Variants in LRP12 observed in about 807,000 individuals in gnomAD.
The protein encoded by LRP12 is LDL receptor related protein 12.
In LRP12, 14 loss-of-function variants were observed where a neutral mutation model predicts 66.0. That is an observed-to-expected ratio of 0.21 (90% CI 0.14 to 0.33). LRP12 has a LOEUF of 0.33. Among genes scored for constraint, LRP12 ranks in the 10% least tolerant of loss-of-function variants. The pLI is 1.00. For missense variants in LRP12, 889 were observed against 1,053.4 expected (o/e 0.84, Z 2.16); for synonymous variants, 357 against 359.1 (o/e 0.99, Z 0.07).
At chr8:104,588,507 G>A (rs1006798186) in intron 1 of LRP12, among the ~76,000 whole-genome samples, 48 of 152,306 alleles carry the variant, frequency 3.2e-4, no homozygotes, top group African/African-American at 1.1e-3. Flanking sequence ...GGGTCCTGGA[G>A]CAACTGGCCG....
At chr8:104,542,682 T>C (rs1811496347) in intron 1 of LRP12, among the ~76,000 whole-genome samples, 1 of 152,160 alleles carries the variant, frequency 6.6e-6, no homozygotes, top group South Asian at 2.1e-4. Context: ...TATTGCTGAC[T>C]GGAGGCCTTA....
intron 2 of LRP12, among the ~76,000 whole-genome samples, chr8:104,529,814 C>A (rs1435532643): frequency 6.6e-6 from 1 of 152,204 alleles, no homozygotes; most frequent in African/African-American, 2.4e-5. Flanking sequence ...TTGCAACTAA[C>A]CTTAAAGAAA....
chr8:104,556,804 G>A (rs1297572550), intron 1 of LRP12, among the ~76,000 whole-genome samples: 1 of 151,868 alleles, frequency 6.6e-6, no homozygotes, highest in Non-Finnish European at 1.5e-5. Flanking sequence ...ACCAGGGAAG[G>A]ACATAACAAA....
intron 6 of LRP12, among the ~76,000 whole-genome samples, chr8:104,492,266 T>C (rs1189577467): frequency 6.6e-6 from 1 of 152,222 alleles, no homozygotes; most frequent in Admixed American, 6.5e-5. Flanking sequence ...AAATATATCA[T>C]TCTTTGAAAA....
intron 1 of LRP12, among the ~76,000 whole-genome samples, chr8:104,539,306 A>G (rs915510291): frequency 1.3e-5 from 2 of 152,232 alleles, no homozygotes; most frequent in African/African-American, 4.8e-5. Context: ...ACTCTAAAAT[A>G]TTAGTGGATG....
chr8:104,564,629 TG>T (rs912576047), intron 1 of LRP12, among the ~76,000 whole-genome samples: 1 of 150,984 alleles, frequency 6.6e-6, no homozygotes, highest in African/African-American at 2.4e-5. Context: ...ACTATCATTA[TG>T]AAAAAAAAAA....
At chr8:104,524,241 C>CAAAAAAA (rs57379814) in intron 2 of LRP12, among the ~76,000 whole-genome samples, 1 of 96,778 alleles carries the variant, frequency 1.0e-5, no homozygotes, top group African/African-American at 3.9e-5. Flanking sequence ...GACCCTGTCT[C>CAAAAAAA]AAAAAAAAAA....
At chr8:104,496,078 C>A (rs1315173425) in intron 5 of LRP12, 2 of 152,204 alleles carry the variant, frequency 1.3e-5, no homozygotes, top group African/African-American at 4.8e-5. Flanking sequence ...AGGTCATTGT[C>A]TCCACAGGGA....
intron 1 of LRP12, among the ~76,000 whole-genome samples, chr8:104,582,803 G>C (rs1404375485): frequency 6.6e-6 from 1 of 152,040 alleles, no homozygotes; most frequent in African/African-American, 2.4e-5. Context: ...AACTTGCTAA[G>C]CGTCCAAACC....
intron 2 of LRP12, among the ~76,000 whole-genome samples, chr8:104,510,278 A>ATGCTT (rs1810972028): frequency 1.3e-5 from 2 of 152,320 alleles, no homozygotes; most frequent in South Asian, 4.1e-4. Context: ...AATCACTGCA[A>ATGCTT]AGCAGTTCTT....
At chr8:104,588,497 G>C (rs1290143160) in intron 1 of LRP12, among the ~76,000 whole-genome samples, 1 of 152,166 alleles carries the variant, frequency 6.6e-6, no homozygotes, top group East Asian at 1.9e-4. Flanking sequence ...GCCAGGCTAC[G>C]GGTCCTGGAG....
intron 1 of LRP12, among the ~76,000 whole-genome samples, chr8:104,564,988 C>T (rs1052006898): frequency 6.6e-6 from 1 of 150,716 alleles, no homozygotes; most frequent in Non-Finnish European, 1.5e-5. Context: ...ATTTAGAAGA[C>T]TAAACTGAAG....
chr8:104,588,652 G>A (rs928736093), intron 1 of LRP12, among the ~76,000 whole-genome samples, 167 bp downstream of exon 1: 2 of 152,060 alleles, frequency 1.3e-5, no homozygotes, highest in Non-Finnish European at 2.9e-5. Context: ...AAGCATCTCC[G>A]TGTGGGGACA....
intron 1 of LRP12, among the ~76,000 whole-genome samples, chr8:104,569,192 CATTT>C (rs139234107): frequency 0.022 from 3,336 of 152,178 alleles, 104 homozygotes; most frequent in African/African-American, 0.074. Flanking sequence ...TGTATGATTT[CATTT>C]ATATGAATGC....
chr8:104,498,837 G>A (rs1455137861), intron 4 of LRP12, among the ~76,000 whole-genome samples: 6 of 152,204 alleles, frequency 3.9e-5, no homozygotes, highest in East Asian at 1.9e-4. Context: ...TAAAAGAGAG[G>A]ACTAATTCTG....
At chr8:104,568,080 T>C (rs941290546) in intron 1 of LRP12, among the ~76,000 whole-genome samples, 4 of 152,092 alleles carry the variant, frequency 2.6e-5, no homozygotes, top group Non-Finnish European at 4.4e-5. Flanking sequence ...GGATAGACAA[T>C]ATAGGTCATA....
chr8:104,564,183 C>A (rs949625189), intron 1 of LRP12, among the ~76,000 whole-genome samples: 27 of 152,168 alleles, frequency 1.8e-4, no homozygotes, highest in Non-Finnish European at 3.8e-4. Flanking sequence ...AAAGGTAACA[C>A]AACAGGAAAA....
intron 1 of LRP12, among the ~76,000 whole-genome samples, chr8:104,576,839 A>T (rs1421360550): frequency 6.6e-6 from 1 of 152,218 alleles, no homozygotes; most frequent in East Asian, 1.9e-4. Context: ...ACCAAGATGC[A>T]TAGGTATGGT....
At chr8:104,534,867 AAAGCAAATT>A (rs1481009978) in intron 1 of LRP12, among the ~76,000 whole-genome samples, 1 of 151,808 alleles carries the variant, frequency 6.6e-6, no homozygotes, top group African/African-American at 2.4e-5. Flanking sequence ...TTGTTAACAC[AAAGCAAATT>A]ACATTCTCCT....
Sources: gnomAD v4.1 joint callset for allele counts (sites outside exome capture counted in the v4.1 genomes callset) on GRCh38, gnomAD v4.1.1 for gene constraint, MANE v1.5 for transcripts, NCBI Gene and HGNC (gene_info 2026-07-23, HGNC 2026-07-21) for gene names.